GPR176: variants seen among roughly 807,000 people sequenced by gnomAD.
GPR176 encodes G-protein coupled receptor 176.
GPR176 carries 26 observed loss-of-function variants against 35.4 expected under a neutral mutation model. The ratio of observed to expected loss-of-function variants is 0.74; its 90% CI spans 0.54 to 1.02. GPR176 has a LOEUF of 1.02. Among genes scored for constraint, GPR176 ranks in the 50% least tolerant of loss-of-function variants. The pLI is 0.00. For synonymous variants in GPR176, 278 were observed against 271.3 expected, an observed-to-expected ratio of 1.02 and a Z score of -0.24; for missense variants, 597 against 665.3, an observed-to-expected ratio of 0.90 and a Z score of 1.13.
intron 1 of GPR176, among the ~76,000 whole-genome samples, chr15:39,825,261 C>T (rs1042604512): frequency 6.6e-6 from 1 of 152,084 alleles, no homozygotes; most frequent in Non-Finnish European, 1.5e-5. Context: ...TGAAATCCCA[C>T]CATCTTAAGA....
chr15:39,827,009 G>C (rs1900705104), intron 1 of GPR176, among the ~76,000 whole-genome samples: 1 of 152,128 alleles, frequency 6.6e-6, no homozygotes, highest in African/African-American at 2.4e-5. Context: ...ATTTGCAAAG[G>C]GGAGCTTTAT....
At chr15:39,874,817 G>A (rs1348500083) in intron 1 of GPR176, among the ~76,000 whole-genome samples, 1 of 152,194 alleles carries the variant, frequency 6.6e-6, no homozygotes, top group Non-Finnish European at 1.5e-5. Flanking sequence ...GCCAAGGCAG[G>A]TGGATCACCT....
chr15:39,887,953 C>T (rs149335267), intron 1 of GPR176, among the ~76,000 whole-genome samples: 374 of 152,310 alleles, frequency 2.5e-3, no homozygotes, highest in African/African-American at 8.7e-3. Flanking sequence ...AAAGGCTGAT[C>T]ACCAGCCTGG....
At chr15:39,815,680 C>A (rs972127953) in intron 1 of GPR176, among the ~76,000 whole-genome samples, 1 of 152,174 alleles carries the variant, frequency 6.6e-6, no homozygotes, top group Admixed American at 6.5e-5. Flanking sequence ...TACTATAAAA[C>A]GTTCAATATA....
intron 1 of GPR176, among the ~76,000 whole-genome samples, chr15:39,824,937 G>A (rs1033987661): frequency 3.9e-5 from 6 of 152,260 alleles, no homozygotes; most frequent in African/African-American, 1.2e-4. Context: ...GGATGTGGTG[G>A]CTCATGCCTG....
chr15:39,897,667 G>A (rs576623359), intron 1 of GPR176, among the ~76,000 whole-genome samples: 1 of 134,728 alleles, frequency 7.4e-6, no homozygotes, highest in African/African-American at 2.8e-5. Flanking sequence ...ACTGCGGACT[G>A]CAGTGGCGCA....
chr15:39,860,809 C>G (rs945948815), intron 1 of GPR176: 4 of 152,170 alleles, frequency 2.6e-5, no homozygotes, highest in African/African-American at 9.7e-5. Context: ...TTTCCCGATA[C>G]TGATACCTAC....
intron 1 of GPR176, among the ~76,000 whole-genome samples, chr15:39,883,370 G>A (rs1214776673): frequency 6.6e-6 from 1 of 151,684 alleles, no homozygotes; most frequent in Non-Finnish European, 1.5e-5. Flanking sequence ...TAATTTTCAA[G>A]CATGCTTTTT....
At chr15:39,893,678 G>C (rs4812525) in intron 1 of GPR176, among the ~76,000 whole-genome samples, 1,714 of 151,878 alleles carry the variant, frequency 0.011, 23 homozygotes, top group African/African-American at 0.03. Flanking sequence ...CAGTAGGGGC[G>C]GCCGGGCAGA....
At chr15:39,817,554 C>T (rs1900000880) in intron 1 of GPR176, among the ~76,000 whole-genome samples, 1 of 152,240 alleles carries the variant, frequency 6.6e-6, no homozygotes, top group African/African-American at 2.4e-5. Flanking sequence ...CCCTGGCTAC[C>T]CGCACACCTA....
intron 1 of GPR176, among the ~76,000 whole-genome samples, chr15:39,885,380 A>G (rs2032636867): frequency 6.6e-6 from 1 of 152,238 alleles, no homozygotes; most frequent in African/African-American, 2.4e-5. Context: ...AGTAAGAAGG[A>G]AAAATGGAAA....
chr15:39,819,073 C>T (rs1432416014), intron 1 of GPR176, among the ~76,000 whole-genome samples: 1 of 152,174 alleles, frequency 6.6e-6, no homozygotes, highest in African/African-American at 2.4e-5. Context: ...CCCTACTTCC[C>T]TTTCTATAGG....
At chr15:39,879,903 T>C (rs1470229454) in intron 1 of GPR176, among the ~76,000 whole-genome samples, 2 of 152,208 alleles carry the variant, frequency 1.3e-5, no homozygotes, top group Non-Finnish European at 2.9e-5. Context: ...CCTTCTCATT[T>C]GCTAAAGATT....
At chr15:39,846,933 A>G (rs1014072204) in intron 1 of GPR176, among the ~76,000 whole-genome samples, 1 of 152,162 alleles carries the variant, frequency 6.6e-6, no homozygotes, top group Non-Finnish European at 1.5e-5. Flanking sequence ...TAAATGAAGC[A>G]AAAAATTGTA....
intron 1 of GPR176, among the ~76,000 whole-genome samples, chr15:39,919,072 G>A (rs556549616): frequency 6.6e-6 from 1 of 151,876 alleles, no homozygotes; most frequent in South Asian, 2.1e-4. Flanking sequence ...GAAGAGGAGC[G>A]ATAAAGACTA....
chr15:39,871,999 T>G (rs551807903), intron 1 of GPR176, among the ~76,000 whole-genome samples: 1 of 152,238 alleles, frequency 6.6e-6, no homozygotes, highest in Non-Finnish European at 1.5e-5. Flanking sequence ...ATGAGGCCAA[T>G]TTTATCCAAT....
intron 1 of GPR176, among the ~76,000 whole-genome samples, chr15:39,822,399 T>C (rs969435680): frequency 5.3e-5 from 8 of 152,220 alleles, no homozygotes; most frequent in Admixed American, 2.6e-4. Context: ...AAATGAGATA[T>C]ATAAAAAGTG....
intron 1 of GPR176, among the ~76,000 whole-genome samples, chr15:39,877,527 C>T (rs2032295890): frequency 6.6e-6 from 1 of 150,482 alleles, no homozygotes; most frequent in African/African-American, 2.4e-5. Flanking sequence ...GGCTCCTAAT[C>T]ACATGCTCTT....
At chr15:39,847,617 C>T (rs560640923) in intron 1 of GPR176, among the ~76,000 whole-genome samples, 2 of 151,896 alleles carry the variant, frequency 1.3e-5, no homozygotes, top group African/African-American at 4.8e-5. Flanking sequence ...GTAGCATGTG[C>T]CTGTAATCCC....
Sources: allele counts gnomAD v4.1 joint callset (sites outside exome capture counted in the v4.1 genomes callset), GRCh38; gene constraint gnomAD v4.1.1; transcripts MANE v1.5; gene names NCBI Gene and HGNC (gene_info 2026-07-23, HGNC 2026-07-21).